ASPDH: variants seen among roughly 807,000 people sequenced by gnomAD.
ASPDH encodes the protein aspartate dehydrogenase domain-containing protein.
ASPDH carries 25 observed loss-of-function variants against 30.5 expected under a neutral mutation model. The observed-to-expected ratio is 0.82, with a 90% CI of 0.60 to 1.14. The LOEUF (loss-of-function observed/expected upper bound fraction) is 1.14, where lower values mean the gene tolerates loss of function less well. Among genes scored for constraint, ASPDH ranks in the 50% most tolerant of loss-of-function variants. The pLI, the probability that ASPDH is intolerant of heterozygous loss-of-function variation, is 0.00. For missense variants in ASPDH, 401 were observed against 381.5 expected, an observed-to-expected ratio of 1.05 and a Z score of -0.43; for synonymous variants, 168 against 156.3, an observed-to-expected ratio of 1.07 and a Z score of -0.56.
In ASPDH at chr19:50,513,051, A is replaced by G. The variant is rs1246081200; in HGVS notation, c.198-40T>C. Reference sequence around the variant, plus strand: ...AGAGGGCGGAGGGTCTTGGAGAGGTATTAGGCCTCTTCTCCCCAAGGTTCC... The same window carrying G: ...AGAGGGCGGAGGGTCTTGGAGAGGTGTTAGGCCTCTTCTCCCCAAGGTTCC... On this transcript the variant is annotated intron_variant, in intron 2 of 6. Coordinates refer to ENST00000389208, the MANE Select transcript of ASPDH (RefSeq NM_001114598.2). This position sits in a 1 kb window ranked among gnomAD's most constrained non-coding sequence, Gnocchi z 4.9. 2 of 1,518,854 alleles carry G rather than the reference A, an allele frequency of 1.3e-6. No individual in the cohort carries two copies. Among genetic ancestry groups the G allele is most frequent in the African/African-American group, 1.4e-5 (1 of 72,502 alleles). The allele number at this position is 1,518,854 out of a possible 1,614,324, so 94.1% of individuals were successfully genotyped here.
upstream of ASPDH, chr19:50,514,641 T>G (rs1478224324): frequency 6.3e-7 from 1 of 1,589,952 alleles, no homozygotes; most frequent in South Asian, 1.1e-5. Context: ...AGCCCCAGCC[T>G]CTGTGCCTTG....
At position 50,513,863 on chromosome 19, in the gene ASPDH, G is replaced by A. The variant is rs778711163; in HGVS notation, c.-40C>T. ...TGTCTGGGGCCTGGCTCCCTGGGCT[G>A]CTCGCTGCCCGCTGCACAAGGCCTG... On this transcript the variant is annotated 5_prime_UTR_variant, in exon 1 of 7. The change creates a premature stop within an existing upstream ORF in the 5' untranslated region. Coordinates refer to ENST00000389208, the MANE Select transcript of ASPDH (RefSeq NM_001114598.2). This position sits in a 1 kb window ranked among gnomAD's most constrained non-coding sequence, Gnocchi z 4.9. The A allele has an allele frequency of 1.9e-6, 3 of 1,542,424 alleles. No individual in the cohort carries two copies. The highest frequency in any genetic ancestry group is 2.6e-6 in the Non-Finnish European group (3 of 1,143,410).
chr19:50,513,003 T>C lies in ASPDH; in HGVS notation c.206A>G (p.Asp69Gly), dbSNP rs1408385151. 6.2e-7 allele frequency: 1 copy of C among 1,613,154 alleles called. No individual in the cohort carries two copies. Among genetic ancestry groups the C allele is most frequent in the Admixed American group, 1.7e-5 (1 of 59,882 alleles). ...NLAALGERRP[D>G]LVVEVAHPKI... ...GGGATGGGCCACTTCCACAACCAGATCAGGGCGCCTGGGAGAGGGGAAAGA... is the reference window on the plus strand; with the variant it reads ...GGGATGGGCCACTTCCACAACCAGACCAGGGCGCCTGGGAGAGGGGAAAGA... Residue 69 changes from aspartate to glycine, a missense_variant, in exon 3 of 7, where the codon GAT becomes GGT. By Grantham distance (94) the Asp-to-Gly change is moderately conservative. Coordinates refer to ENST00000389208, the MANE Select transcript of ASPDH (RefSeq NM_001114598.2). This position sits in a 1 kb window ranked among gnomAD's most constrained non-coding sequence, Gnocchi z 4.9.
upstream of ASPDH, chr19:50,514,001 C>A (rs1474135826): frequency 1.4e-6 from 1 of 713,738 alleles, no homozygotes; most frequent in South Asian, 1.9e-5. Context: ...GCGGGAGAAC[C>A]CTTCCCTGTG....
Position 50,512,408 on chromosome 19 carries a change from GGGGCAGCCA to G in ASPDH, c.596_604del (p.Leu199_Ala201del), listed in dbSNP as rs765662408. The G allele has an allele frequency of 1.9e-6, 3 of 1,613,002 alleles. No individual in the cohort carries two copies. Among genetic ancestry groups the G allele is most frequent in the South Asian group, 2.2e-5 (2 of 91,058 alleles). On this transcript the variant is annotated inframe_deletion, in exon 5 of 7. Transcript: ENST00000389208. ...AATCACCCCATCGAAGCCCAGGCTG[GGGGCAGCCA>G]GGGCAGCCGCCGCCATGGTGTTGGA...
rs896104992 is a variant in ASPDH at position 50,512,005 on chromosome 19, G to A, written c.808+131C>T. The A allele has an allele frequency of 4.7e-6, 4 of 854,912 alleles. No individual in the cohort carries two copies. The South Asian group carries it at 5.5e-5, about 12-fold the overall frequency. 53.0% of individuals were successfully genotyped at this position (854,912 alleles called of 1,614,324 possible). A position where few individuals can be genotyped will look rare whatever the true frequency, so the allele number is the denominator to read the frequency against. ...TTCAAAGTCATGGAGAGAGGTTAAGGAAATAAAGGTCAGAAAGAAAGAAAG... is the reference window on the plus strand; with the variant it reads ...TTCAAAGTCATGGAGAGAGGTTAAGAAAATAAAGGTCAGAAAGAAAGAAAG... On this transcript the variant is annotated intron_variant, in intron 6 of 6. Coordinates refer to ENST00000389208, the MANE Select transcript of ASPDH (RefSeq NM_001114598.2).
At chr19:50,511,846 TG>T (rs752218853) in intron 6 of ASPDH, 73 bp from the exon 7 acceptor site, 5 of 626,104 alleles carry the variant, frequency 8.0e-6, no homozygotes, top group Non-Finnish European at 1.0e-5. Context: ...GAGGCAGTGG[TG>T]GGAGGAGGGG....
intron 6 of ASPDH, 155 bp from the exon 7 acceptor site, chr19:50,511,928 A>T: frequency 2.5e-6 from 1 of 398,094 alleles, no homozygotes; most frequent in East Asian, 4.6e-5. Flanking sequence ...ACAGAGACAG[A>T]GAGAGTCTCG....
chr19:50,513,469 C>A lies in ASPDH; in HGVS notation c.53-53G>T. On this transcript the variant is annotated intron_variant, in intron 1 of 6. Transcript: ENST00000389208. This position sits in a 1 kb window ranked among gnomAD's most constrained non-coding sequence, Gnocchi z 4.9. ...AGATCCAGAGAGAGGGGGACAGAGA[C>A]CCAGAGAGAGAGGAGGTGGGGACAG... The A allele has an allele frequency of 2.8e-6, 4 of 1,439,182 alleles. No homozygotes were observed. Among genetic ancestry groups the A allele is most frequent in the Non-Finnish European group, 3.7e-6 (4 of 1,092,486 alleles). 89.2% of individuals were successfully genotyped at this position (1,439,182 alleles called of 1,614,324 possible). A position where few individuals can be genotyped will look rare whatever the true frequency, so the allele number is the denominator to read the frequency against.
Position 50,512,025 on chromosome 19 carries a change from AG to A in ASPDH, c.808+110del. The A allele has an allele frequency of 3.0e-6, 3 of 1,007,148 alleles. No individual in the cohort carries two copies. In the Admixed American group the frequency reaches 8.8e-5, roughly 29 times the overall value. 62.4% of individuals were successfully genotyped at this position (1,007,148 alleles called of 1,614,324 possible). A position where few individuals can be genotyped will look rare whatever the true frequency, so the allele number is the denominator to read the frequency against. ...TTAAGGAAATAAAGGTCAGAAAGAAAGAAAGGTCAACAAATACAGAACCAGA... is the reference window on the plus strand; with the variant it reads ...TTAAGGAAATAAAGGTCAGAAAGAAAAAAGGTCAACAAATACAGAACCAGA... On this transcript the variant is annotated intron_variant, in intron 6 of 6. Transcript: ENST00000389208.
chr19:50,511,722 G>A lies in ASPDH; in HGVS notation c.*8C>T. On this transcript the variant is annotated 3_prime_UTR_variant, in exon 7 of 7. Transcript: ENST00000389208. ...CAGATGATCTTGTCTCGGGAGGGAG[G>A]AGGCTTCTCAGCAGAGATGGATCCC... is the stretch of plus-strand genomic sequence containing the variant. 3 of 1,305,104 alleles carry A rather than the reference G, an allele frequency of 2.3e-6. No homozygotes were observed. The highest frequency in any genetic ancestry group is 2.0e-6 in the Non-Finnish European group (2 of 1,020,354). 80.8% of individuals were successfully genotyped at this position (1,305,104 alleles called of 1,614,324 possible).
Position 50,512,539 on chromosome 19 carries a change from C to G in ASPDH, c.474G>C (p.Arg158=). ...VTMATHPDGF[R]LEGPLAAAHS... is the part of the protein sequence containing the mutation. ...GGGCTGCAGCCAGGGGTCCCTCAAG[C>G]CGGAAGCCATCGGGGTGTGTGGCCA... The change falls in exon 5 of 7, where the codon CGG becomes CGC. Residue 158 remains arginine, a synonymous_variant. Transcript: ENST00000389208. The G allele has an allele frequency of 6.5e-7, 1 of 1,536,926 alleles. No homozygotes were observed. Among genetic ancestry groups the G allele is most frequent in the Non-Finnish European group, 8.7e-7 (1 of 1,145,220 alleles).
intron 6 of ASPDH, 33 bp downstream of exon 6, chr19:50,512,103 G>C: frequency 3.3e-6 from 5 of 1,502,998 alleles, no homozygotes; most frequent in Non-Finnish European, 4.4e-6. Context: ...GAACACAGGA[G>C]CCCAGGGCCG....
At chr19:50,514,032 C>T, upstream of ASPDH, 2 of 624,036 alleles carry the variant, frequency 3.2e-6, no homozygotes, top group Non-Finnish European at 5.5e-6. Flanking sequence ...TTTCCCGGGT[C>T]CAGCACAGTG....
chr19:50,513,928 T>C (rs377732407), upstream of ASPDH: 2 of 1,370,642 alleles, frequency 1.5e-6, no homozygotes, highest in African/African-American at 1.5e-5. This position sits in a 1 kb window ranked among gnomAD's most constrained non-coding sequence, Gnocchi z 4.9. Flanking sequence ...CTTGAGCCTC[T>C]GGGCTCAGTC....
rs377446134 is a variant in ASPDH, at chr19:50,512,268, C to G, written c.676G>C (p.Asp226His). The G allele has an allele frequency of 9.8e-5, 158 of 1,613,470 alleles. No homozygotes were observed. The highest frequency in any genetic ancestry group is 1.2e-4 in the Non-Finnish European group (146 of 1,179,922). ...DTSLTDMHVV[D>H]VELSGPRGPT... ...CCCCGGGGTCCGCTCAGCTCTACAT[C>G]CACCACGTGCATGTCCGTGAGGCTG... The change falls in exon 6 of 7, where the codon GAT (aspartate) becomes CAT (histidine). Residue 226 changes from aspartate (D) to histidine (H), a missense_variant. Physicochemically the swap from Asp to His is moderately conservative, Grantham distance 81 (BLOSUM62 -1). Coordinates refer to ENST00000389208, the MANE Select transcript of ASPDH (RefSeq NM_001114598.2).
chr19:50,513,403 G>A lies in ASPDH; in HGVS notation c.66C>T (p.Val22=). The change falls in exon 2 of 7, where the codon GTC becomes GTT. Residue 22 remains valine, a synonymous_variant. Transcript: ENST00000389208. This position sits in a 1 kb window ranked among gnomAD's most constrained non-coding sequence, Gnocchi z 4.9. ...VGYGRLGQSL[V]SRLLAQGPEL... Reference sequence around the variant, plus strand: ...CTGGTCCCTGAGCCAAGAGGCGGGAGACGAGGGACTGTCCTGGGGAGAGGG... The same window carrying A: ...CTGGTCCCTGAGCCAAGAGGCGGGAAACGAGGGACTGTCCTGGGGAGAGGG... The A allele has an allele frequency of 6.6e-7, 1 of 1,515,948 alleles. No individual in the cohort carries two copies. Among genetic ancestry groups the A allele is most frequent in the East Asian group, 2.5e-5 (1 of 40,498 alleles). The allele number at this position is 1,515,948 out of a possible 1,614,324, so 93.9% of individuals were successfully genotyped here. A position where few individuals can be genotyped will look rare whatever the true frequency, so the allele number is the denominator to read the frequency against.
At position 50,513,675 on chromosome 19, in the gene ASPDH, A is replaced by G; in HGVS notation, c.52+97T>C. 1 of 959,604 alleles carries G rather than the reference A, an allele frequency of 1.0e-6. No homozygotes were observed. Among genetic ancestry groups the G allele is most frequent in the Non-Finnish European group, 1.6e-6 (1 of 623,208 alleles). 59.4% of individuals were successfully genotyped at this position (959,604 alleles called of 1,614,324 possible). On this transcript the variant is annotated intron_variant, in intron 1 of 6. Transcript: ENST00000389208. This position sits in a 1 kb window ranked among gnomAD's most constrained non-coding sequence, Gnocchi z 4.9. ...CAGACCCAGAGACACAGCCAGGGGC[A>G]GATAGAGAGAGAAAAAAGTGTTTGT...
upstream of ASPDH, chr19:50,514,896 G>A: frequency 6.1e-6 from 6 of 985,434 alleles, no homozygotes; most frequent in South Asian, 4.7e-5. Context: ...CCAAGACCCC[G>A]ACGTGGCACC....
Sources: gnomAD v4.1 joint callset for allele counts on GRCh38, gnomAD v4.1.1 for gene constraint, Gnocchi (gnomAD v3.1) non-coding constraint, MANE v1.5 for transcripts, NCBI Gene and HGNC (gene_info 2026-07-23, HGNC 2026-07-21) for gene names.